The following GABRB1 variants were observed in gnomAD, a reference collection of about 807,000 sequenced individuals.
The protein encoded by GABRB1 is gamma-aminobutyric acid type A receptor subunit beta1.
In GABRB1, 17 loss-of-function variants were observed where a neutral mutation model predicts 51.6. That is an observed-to-expected ratio of 0.33 (90% CI 0.23 to 0.49). GABRB1 has a LOEUF of 0.49. GABRB1 is among the 20% of genes least tolerant of loss of function. The pLI is 0.99. For synonymous variants in GABRB1, 247 were observed against 218.9 expected (o/e 1.13, Z -1.14); for missense variants, 410 against 600.6 (o/e 0.68, Z 3.32).
intron 5 of GABRB1, among the ~76,000 whole-genome samples, chr4:47,357,186 A>G (rs913334010): frequency 9.2e-5 from 14 of 152,232 alleles, no homozygotes; most frequent in Non-Finnish European, 1.8e-4. Context: ...TTCACCTGAC[A>G]CTATCACACC....
At chr4:47,256,826 G>C (rs1722220734) in intron 4 of GABRB1, among the ~76,000 whole-genome samples, 1 of 151,976 alleles carries the variant, frequency 6.6e-6, no homozygotes, top group African/African-American at 2.4e-5. Flanking sequence ...CCAACACTGA[G>C]GATTACAATT....
chr4:47,229,886 G>C (rs1444747379), intron 4 of GABRB1, among the ~76,000 whole-genome samples: 1 of 152,096 alleles, frequency 6.6e-6, no homozygotes, highest in Non-Finnish European at 1.5e-5. Flanking sequence ...GGGACTGCAT[G>C]CTTTTCAAAA....
chr4:47,019,634 T>G (rs1489129305), intron 1 of GABRB1, among the ~76,000 whole-genome samples: 1 of 118,416 alleles, frequency 8.4e-6, no homozygotes, highest in African/African-American at 3.8e-5. Flanking sequence ...TCTCTTTCTT[T>G]CTTTCTTTCT....
chr4:47,096,320 G>C (rs938313241), intron 3 of GABRB1, among the ~76,000 whole-genome samples: 4 of 152,150 alleles, frequency 2.6e-5, no homozygotes, highest in African/African-American at 4.8e-5. Flanking sequence ...GCCAAAGTAG[G>C]AAGTACAAAG....
chr4:47,403,355 TGGA>T lies in GABRB1; in HGVS notation c.587_589del (p.Gly196del), dbSNP rs1728464716. The T allele has an allele frequency of 1.9e-6, 3 of 1,614,056 alleles. No homozygotes were observed. Among genetic ancestry groups the T allele is most frequent in the Non-Finnish European group, 1.7e-6 (2 of 1,179,920 alleles). On this transcript the variant is annotated inframe_deletion, in exon 6 of 9. Coordinates refer to ENST00000295454, the MANE Select transcript of GABRB1 (RefSeq NM_000812.4). ...CTGATGACATTGAATTTTACTGGAA[TGGA>T]GGAGAAGGGGCAGTCACTGGTGTTA...
At position 47,426,100 on chromosome 4, in the gene GABRB1, T is replaced by C; in HGVS notation, c.*82T>C. 1.7e-6 allele frequency: 2 copies of C among 1,145,756 alleles called. No individual in the cohort carries two copies. The highest frequency in any genetic ancestry group is 2.5e-6 in the Non-Finnish European group (2 of 811,282). The allele number at this position is 1,145,756 out of a possible 1,614,324, so 71.0% of individuals were successfully genotyped here. On this transcript the variant is annotated 3_prime_UTR_variant, in exon 9 of 9. Transcript: ENST00000295454. ...TACAGGTCCCCAACAGCGATACTGC[T>C]GTTTCTCGAGGTAAGAGATTCAGCC...
chr4:47,219,540 T>A (rs928356001), intron 4 of GABRB1, among the ~76,000 whole-genome samples: 1 of 151,914 alleles, frequency 6.6e-6, no homozygotes, highest in African/African-American at 2.4e-5. Context: ...CATTGTAGAA[T>A]CTTTTGGACT....
intron 3 of GABRB1, among the ~76,000 whole-genome samples, chr4:47,118,526 T>C (rs1029612239): frequency 1.1e-4 from 16 of 152,204 alleles, no homozygotes; most frequent in Admixed American, 2.6e-4. Context: ...TACTATCTTG[T>C]TCACTGAAAT....
At chr4:47,168,323 C>A (rs1313469402) in intron 4 of GABRB1, among the ~76,000 whole-genome samples, 1 of 152,098 alleles carries the variant, frequency 6.6e-6, no homozygotes, top group African/African-American at 2.4e-5. Flanking sequence ...TTTGTTACTT[C>A]TTTACTTTTT....
intron 8 of GABRB1, among the ~76,000 whole-genome samples, chr4:47,410,536 A>G (rs1560374447): frequency 6.6e-6 from 1 of 152,194 alleles, no homozygotes; most frequent in Non-Finnish European, 1.5e-5. Flanking sequence ...TGACCTGAAG[A>G]GTCAGATCAT....
At chr4:47,175,051 C>T (rs1718617369) in intron 4 of GABRB1, among the ~76,000 whole-genome samples, 1 of 147,538 alleles carries the variant, frequency 6.8e-6, no homozygotes, top group African/African-American at 2.5e-5. Flanking sequence ...CTCCTTCCCT[C>T]CCTCCCTTCT....
intron 4 of GABRB1, among the ~76,000 whole-genome samples, chr4:47,205,301 CTCTT>C: frequency 6.6e-6 from 1 of 152,170 alleles, no homozygotes; most frequent in Admixed American, 6.6e-5. Context: ...CAAAAGTTGC[CTCTT>C]TCTTAGTTTT....
chr4:47,123,977 G>T (rs1715996276), intron 3 of GABRB1, among the ~76,000 whole-genome samples: 1 of 112,978 alleles, frequency 8.9e-6, no homozygotes, highest in Non-Finnish European at 1.7e-5. Context: ...ATGCACACAT[G>T]CACACACACA....
intron 4 of GABRB1, among the ~76,000 whole-genome samples, chr4:47,247,670 G>C (rs538465726): frequency 4.6e-5 from 7 of 151,080 alleles, no homozygotes; most frequent in Non-Finnish European, 7.4e-5. Context: ...ATGTGTTTCC[G>C]TTCGTGTCAT....
intron 8 of GABRB1, among the ~76,000 whole-genome samples, chr4:47,422,484 T>C (rs1450921566): frequency 6.6e-6 from 1 of 152,192 alleles, no homozygotes; most frequent in Non-Finnish European, 1.5e-5. Flanking sequence ...AGACCGCAAA[T>C]GGCCTTATTG....
chr4:46,998,080 T>G (rs530791285), intron 1 of GABRB1, among the ~76,000 whole-genome samples: 1 of 152,314 alleles, frequency 6.6e-6, no homozygotes, highest in East Asian at 1.9e-4. Context: ...GAATTTAACA[T>G]ATTGTATTTG....
At chr4:47,373,204 C>A (rs1451821662) in intron 5 of GABRB1, among the ~76,000 whole-genome samples, 1 of 152,194 alleles carries the variant, frequency 6.6e-6, no homozygotes, top group Non-Finnish European at 1.5e-5. Context: ...TATACCCTGA[C>A]TATTTTCTCT....
chr4:47,006,879 G>A (rs1016329891), intron 1 of GABRB1, among the ~76,000 whole-genome samples: 31 of 152,154 alleles, frequency 2.0e-4, no homozygotes, highest in African/African-American at 7.0e-4. Context: ...TTTAGGCTGG[G>A]GATGGTGGCT....
At chr4:47,408,983 G>T (rs1379619729) in intron 8 of GABRB1, among the ~76,000 whole-genome samples, 1 of 152,178 alleles carries the variant, frequency 6.6e-6, no homozygotes, top group Non-Finnish European at 1.5e-5. Flanking sequence ...CCCTTCAGTT[G>T]CTAAAAAACA....
Sources: gnomAD v4.1 joint callset for allele counts (sites outside exome capture counted in the v4.1 genomes callset) on GRCh38, gnomAD v4.1.1 for gene constraint, MANE v1.5 for transcripts, NCBI Gene and HGNC (gene_info 2026-07-23, HGNC 2026-07-21) for gene names.